Variants in GABRG3 observed in about 807,000 individuals in gnomAD.
GABRG3 encodes gamma-aminobutyric acid type A receptor subunit gamma3.
A neutral mutation model predicts 48.8 loss-of-function variants in GABRG3; 25 were observed. That is an observed-to-expected ratio of 0.51 (90% CI 0.37 to 0.72). The LOEUF is 0.72. GABRG3 is among the 30% of genes least tolerant of loss of function. The pLI is 0.00. For missense variants in GABRG3, 394 were observed against 577.9 expected, an observed-to-expected ratio of 0.68 and a Z score of 3.26; for synonymous variants, 227 against 217.6, an observed-to-expected ratio of 1.04 and a Z score of -0.38.
intron 3 of GABRG3, among the ~76,000 whole-genome samples, chr15:27,040,614 C>G (rs553338979): frequency 2.0e-5 from 3 of 152,232 alleles, no homozygotes; most frequent in Non-Finnish European, 4.4e-5. Flanking sequence ...TTTCTTGATG[C>G]TCTCATTTCT....
chr15:27,270,431 C>G (rs1566988124), intron 3 of GABRG3, among the ~76,000 whole-genome samples: 1 of 152,144 alleles, frequency 6.6e-6, no homozygotes, highest in East Asian at 1.9e-4. Flanking sequence ...AAATCATAGC[C>G]AGACAGATGG....
intron 5 of GABRG3, among the ~76,000 whole-genome samples, chr15:27,422,690 G>T (rs548120346): frequency 6.6e-6 from 1 of 152,234 alleles, no homozygotes. Context: ...CATACTGTTT[G>T]TTTTTTGAGG....
chr15:27,069,919 T>G (rs1241124963), intron 3 of GABRG3, among the ~76,000 whole-genome samples: 1 of 152,236 alleles, frequency 6.6e-6, no homozygotes, highest in Admixed American at 6.5e-5. Flanking sequence ...GGAACAGTGC[T>G]TTTTCCAAAT....
At chr15:27,031,720 G>C (rs1024567414) in intron 3 of GABRG3, among the ~76,000 whole-genome samples, 5 of 152,184 alleles carry the variant, frequency 3.3e-5, no homozygotes, top group Non-Finnish European at 7.3e-5. Flanking sequence ...TGTGGCTGAA[G>C]CTTTAAGAAG....
In GABRG3 at chr15:27,099,565, G is replaced by A. The variant is rs546247757; in HGVS notation, c.270+72744G>A. 2.0e-5 allele frequency among the ~76,000 whole-genome samples: 3 copies of A among 152,208 alleles called. No individual in the cohort carries two copies. In the South Asian group the frequency reaches 6.2e-4, roughly 32 times the overall value. On this transcript the variant is annotated intron_variant, in intron 3 of 9. Transcript: ENST00000615808. ...TGAAGACCCAATCTCCAAATGCAAT[G>A]ACACTCTAAAGTGCTGGGGCCTAGG... is the stretch of plus-strand genomic sequence containing the variant.
intron 5 of GABRG3, among the ~76,000 whole-genome samples, chr15:27,332,370 C>T (rs967305112): frequency 7.2e-5 from 11 of 152,154 alleles, no homozygotes; most frequent in South Asian, 2.1e-4. Context: ...AAAAATTAGC[C>T]GGGCATAGTG....
intron 5 of GABRG3, among the ~76,000 whole-genome samples, chr15:27,359,317 G>A (rs906580338): frequency 6.6e-6 from 1 of 152,230 alleles, no homozygotes; most frequent in Non-Finnish European, 1.5e-5. Flanking sequence ...AAAATGTTAT[G>A]TCATTAAAAA....
intron 8 of GABRG3, 47 bp from the exon 9 acceptor site, chr15:27,527,886 A>C (rs1490453750): frequency 7.0e-7 from 1 of 1,435,072 alleles, no homozygotes; most frequent in Admixed American, 2.0e-5. Context: ...TCTTGGATGC[A>C]AATGTTCATG....
intron 3 of GABRG3, among the ~76,000 whole-genome samples, chr15:27,173,019 A>G (rs1887624427): frequency 6.6e-6 from 1 of 152,138 alleles, no homozygotes; most frequent in Non-Finnish European, 1.5e-5. Context: ...GGTGGCCTGA[A>G]TTCCACTCAT....
chr15:27,153,266 G>A (rs2140397924), intron 3 of GABRG3, among the ~76,000 whole-genome samples: 1 of 152,028 alleles, frequency 6.6e-6, no homozygotes, highest in East Asian at 1.9e-4. Context: ...TTTTTTCATT[G>A]AGTTGTCTTT....
At chr15:27,081,935 T>C (rs900648294) in intron 3 of GABRG3, among the ~76,000 whole-genome samples, 4 of 152,224 alleles carry the variant, frequency 2.6e-5, no homozygotes, top group African/African-American at 9.6e-5. Context: ...TGAATTGAGT[T>C]CTAATCTTCA....
At position 27,386,226 on chromosome 15, in the gene GABRG3, T is replaced by C. The variant is rs1373224624; in HGVS notation, c.574+57338T>C. ...GTGACAACTGATTAGTCACAGCTTG[T>C]CTTTAAACTGCTTGAGTGAGTTTGT... is the stretch of plus-strand genomic sequence containing the variant. On this transcript the variant is annotated intron_variant, in intron 5 of 9. Transcript: ENST00000615808. Among the ~76,000 whole-genome samples the C allele has an allele frequency of 2.0e-5, 3 of 152,168 alleles. 1 individual carries two copies. The highest frequency in any genetic ancestry group is 4.8e-5 in the African/African-American group (2 of 41,436).
At chr15:27,216,553 G>A (rs374246132) in intron 3 of GABRG3, among the ~76,000 whole-genome samples, 3 of 152,142 alleles carry the variant, frequency 2.0e-5, no homozygotes, top group Admixed American at 6.5e-5. Flanking sequence ...ACCTCCATCC[G>A]TGTGTTTTTA....
chr15:27,011,217 T>G (rs1028605757), intron 2 of GABRG3, among the ~76,000 whole-genome samples: 4 of 152,184 alleles, frequency 2.6e-5, no homozygotes, highest in Non-Finnish European at 5.9e-5. Flanking sequence ...AGCATCTACT[T>G]TTTCAATTCT....
intron 3 of GABRG3, among the ~76,000 whole-genome samples, chr15:27,084,291 C>G (rs2140747546): frequency 6.6e-6 from 1 of 152,318 alleles, no homozygotes; most frequent in East Asian, 1.9e-4. Flanking sequence ...TGGTTACAGC[C>G]TCTTTTTCAT....
chr15:27,201,133 G>A (rs534430126), intron 3 of GABRG3, among the ~76,000 whole-genome samples: 51 of 152,162 alleles, frequency 3.4e-4, no homozygotes, highest in African/African-American at 1.2e-3. Context: ...TTCTCAAGAA[G>A]ACTTTAAAAA....
intron 3 of GABRG3, among the ~76,000 whole-genome samples, chr15:27,246,029 G>A (rs1890259519): frequency 2.0e-5 from 3 of 152,188 alleles, no homozygotes; most frequent in South Asian, 2.1e-4. Context: ...CAAGAGAGAC[G>A]CCATGCTCTT....
In GABRG3 at chr15:27,352,703, T is replaced by C. The variant is rs1894665546; in HGVS notation, c.574+23815T>C. Reference sequence around the variant, plus strand: ...GGGTGATATCGGTCTTGGTTATTGGTCCCTAGGATTGTGCTTGAGAAAGGA... The same window carrying C: ...GGGTGATATCGGTCTTGGTTATTGGCCCCTAGGATTGTGCTTGAGAAAGGA... On this transcript the variant is annotated intron_variant, in intron 5 of 9. Transcript: ENST00000615808. This position sits in a 1 kb window ranked among gnomAD's most constrained non-coding sequence, Gnocchi z 4.0. Among the ~76,000 whole-genome samples the C allele has an allele frequency of 6.6e-6, 1 of 152,018 alleles. No homozygotes were observed. The highest frequency in any genetic ancestry group is 1.9e-4 in the East Asian group (1 of 5,132).
chr15:27,311,122 C>A lies in GABRG3; in HGVS notation c.271-15687C>A, dbSNP rs777404010. ...CTGAGCAAGAAGACAGAATAGGAAG[C>A]CCTGGACCTTCCTTCCACCCTGTGA... On this transcript the variant is annotated intron_variant, in intron 3 of 9. Coordinates refer to ENST00000615808, the MANE Select transcript of GABRG3 (RefSeq NM_033223.5). Among the ~76,000 whole-genome samples, 15 of 152,244 alleles carry A rather than the reference C, an allele frequency of 9.9e-5. No individual in the cohort carries two copies. In the East Asian group the frequency reaches 1.7e-3, roughly 18 times the overall value.
Sources: allele counts gnomAD v4.1 joint callset (sites outside exome capture counted in the v4.1 genomes callset), GRCh38; gene constraint gnomAD v4.1.1; non-coding constraint Gnocchi (gnomAD v3.1); transcripts MANE v1.5; gene names NCBI Gene and HGNC (gene_info 2026-07-23, HGNC 2026-07-21).